The following PLK2 variants were observed in gnomAD, a reference collection of about 807,000 sequenced individuals.
PLK2 encodes the protein polo like kinase 2.
In PLK2, 25 loss-of-function variants were observed where a neutral mutation model predicts 78.1. The observed-to-expected ratio is 0.32, with a 90% confidence interval of 0.23 to 0.45. PLK2 has a LOEUF of 0.45. PLK2 is among the 20% of genes least tolerant of loss of function. PLK2 has a pLI of 1.00. For missense variants in PLK2, 566 were observed against 840.2 expected (o/e 0.67, Z 4.04); for synonymous variants, 332 against 298.2 (o/e 1.11, Z -1.17).
rs557109067 is a variant in PLK2, at chr5:58,457,150, G to T, written c.1008+31C>A. On this transcript the variant is annotated intron_variant, in intron 7 of 13. Coordinates refer to ENST00000274289, the MANE Select transcript of PLK2 (RefSeq NM_006622.4). ...TGTCAGGTAACTGGGATCAATACCA[G>T]GTAATTAAAAAAAAAAGATAGTGCA... The T allele has an allele frequency of 9.3e-6, 15 of 1,610,588 alleles. No individual in the cohort carries two copies. The East Asian group carries it at 3.3e-4, about 36-fold the overall frequency.
chr5:58,457,815 GTGT>G lies in PLK2; in HGVS notation c.714-235_714-233del, dbSNP rs1743649192. 4 of 590,650 alleles carry G rather than the reference GTGT, an allele frequency of 6.8e-6. No individual in the cohort carries two copies. In the East Asian group the frequency reaches 1.1e-4, roughly 16 times the overall value. 36.6% of individuals were successfully genotyped at this position (590,650 alleles called of 1,614,324 possible). The stretch of plus-strand genomic sequence containing the variant: ...CACGTTGTTTTAGCCCACATGCAAA[GTGT>G]TGTTAACCAACTAAAGCCAGGGACG... On this transcript the variant is annotated intron_variant, in intron 5 of 13. Coordinates refer to ENST00000274289, the MANE Select transcript of PLK2 (RefSeq NM_006622.4).
In PLK2 at chr5:58,456,107, C is replaced by T. The variant is rs200318957; in HGVS notation, c.1303G>A (p.Val435Ile). 5.0e-5 allele frequency: 80 copies of T among 1,614,018 alleles called. No individual in the cohort carries two copies. In the East Asian group the frequency reaches 1.7e-3, roughly 35 times the overall value. Residue 435 changes from valine to isoleucine, a missense_variant, in exon 10 of 14, where the codon GTA (valine) becomes ATA (isoleucine). Coordinates refer to ENST00000274289, the MANE Select transcript of PLK2 (RefSeq NM_006622.4). ...TCCCCAATCTGCTGCTTGTTTTCTA[C>T]TGCGGGTGTTCCAGACCTGGCAACT... is the stretch of plus-strand genomic sequence containing the variant. ...TTVARSGTPAVENKQQIGDAI... is the reference protein window; with the variant it reads ...TTVARSGTPAIENKQQIGDAI...
At chr5:58,456,708 T>G in intron 8 of PLK2, 119 bp from the exon 9 acceptor site, 1 of 723,684 alleles carries the variant, frequency 1.4e-6, no homozygotes, top group African/African-American at 1.8e-5. Flanking sequence ...TGGGCAAAAA[T>G]AGCATTTTAC....
intron 9 of PLK2, 122 bp downstream of exon 9, chr5:58,456,370 G>A: frequency 1.2e-6 from 1 of 825,918 alleles, no homozygotes; most frequent in South Asian, 1.7e-5. Context: ...CAAAGGGTTT[G>A]AAGAAAAACT....
At position 58,454,357 on chromosome 5, in the gene PLK2, G is replaced by A. The variant is rs1561215005; in HGVS notation, c.*226C>T. ...TTGTCTGAAAAACCTTTTAAAACAG[G>A]TATCTCAAGGAAAACTGCATTCTGG... is the stretch of plus-strand genomic sequence containing the variant. On this transcript the variant is annotated 3_prime_UTR_variant, in exon 14 of 14. Coordinates refer to ENST00000274289, the MANE Select transcript of PLK2 (RefSeq NM_006622.4). 4 of 410,788 alleles carry A rather than the reference G, an allele frequency of 9.7e-6. No homozygotes were observed. The highest frequency in any genetic ancestry group is 8.1e-5 in the African/African-American group (4 of 49,408). The allele number at this position is 410,788 out of a possible 1,614,324, so 25.4% of individuals were successfully genotyped here.
intron 12 of PLK2, 24 bp from the exon 13 acceptor site, chr5:58,455,045 T>A: frequency 3.7e-6 from 5 of 1,365,162 alleles, no homozygotes; most frequent in Non-Finnish European, 4.2e-6. Flanking sequence ...GGAGAGTGAG[T>A]TAGTGCCTAC....
In PLK2 at chr5:58,459,853, G is replaced by T. The variant is rs753592476; in HGVS notation, c.107C>A (p.Pro36Gln). The change falls in exon 1 of 14, where the codon CCG becomes CAG. Residue 36 changes from proline to glutamine, a missense_variant. Transcript: ENST00000274289. Reference protein sequence around the residue: ...CGADSKKKRPPQPPEESQPPQ... With the variant: ...CGADSKKKRPQQPPEESQPPQ... ...TGGCTGCGATTCCTCGGGGGGCTGC[G>T]GCGGCCGCTTCTTCTTCGAGTCCGC... 1.2e-6 allele frequency: 2 copies of T among 1,610,322 alleles called. No homozygotes were observed. The highest frequency in any genetic ancestry group is 1.7e-6 in the Non-Finnish European group (2 of 1,179,670).
intron 9 of PLK2, 30 bp downstream of exon 9, chr5:58,456,462 G>T: frequency 8.1e-7 from 1 of 1,232,128 alleles, no homozygotes; most frequent in Non-Finnish European, 1.2e-6. Flanking sequence ...CGTAAAGCGT[G>T]AGTATCTACT....
chr5:58,456,723 G>T, intron 8 of PLK2, 134 bp from the exon 9 acceptor site: 1 of 669,552 alleles, frequency 1.5e-6, no homozygotes, highest in Non-Finnish European at 2.5e-6. Context: ...TTTTACCTTT[G>T]CCTTTAGCTG....
At position 58,455,415 on chromosome 5, in the gene PLK2, C is replaced by G; in HGVS notation, c.1626-1G>C. 6.2e-7 allele frequency: 1 copy of G among 1,613,594 alleles called. No homozygotes were observed. Among genetic ancestry groups the G allele is most frequent in the Non-Finnish European group, 8.5e-7 (1 of 1,179,882 alleles). On this transcript the variant is annotated splice_acceptor_variant, in intron 11 of 13. Transcript: ENST00000274289. LOFTEE classifies it high-confidence loss of function. ...AAGCTCTGCGTAATAGTGAACTGTT[C>G]TATAAAAACAGGAACGAAAGGGAGA... is the stretch of plus-strand genomic sequence containing the variant.
intron 1 of PLK2, 76 bp from the exon 2 acceptor site, chr5:58,459,168 A>G (rs1294721222): frequency 3.7e-6 from 3 of 805,172 alleles, no homozygotes; most frequent in Admixed American, 2.1e-5. Context: ...TAAATAAATA[A>G]ATGGGAAGAA....
Position 58,456,107 on chromosome 5 carries a change from C to A in PLK2, c.1303G>T (p.Val435Leu). ...TTVARSGTPA[V>L]ENKQQIGDAI... ...TCCCCAATCTGCTGCTTGTTTTCTA[C>A]TGCGGGTGTTCCAGACCTGGCAACT... The change falls in exon 10 of 14, where the codon GTA becomes TTA. Residue 435 changes from valine to leucine, a missense_variant. This residue lies in a region of PLK2 where 129 missense variants were observed against 156.0 expected (regional missense o/e 0.83). Transcript: ENST00000274289. The A allele has an allele frequency of 1.2e-6, 2 of 1,614,018 alleles. No homozygotes were observed. The highest frequency in any genetic ancestry group is 1.7e-6 in the Non-Finnish European group (2 of 1,179,948).
Position 58,459,747 on chromosome 5 carries a change from C to A in PLK2, c.213G>T (p.Arg71=), listed in dbSNP as rs1302100216. ...TCCCAGTCGTGGGGTCGACGATAAT[C>A]CGCGAGATCTCCGGCCCCGAGTGCG... ...HHSHSGPEIS[R]IIVDPTTGKR... is the part of the protein sequence containing the mutation. The change falls in exon 1 of 14, where the codon CGG becomes CGT. Residue 71 remains arginine (R), a synonymous_variant. Transcript: ENST00000274289. 3 of 1,606,972 alleles carry A rather than the reference C, an allele frequency of 1.9e-6. No individual in the cohort carries two copies. The Admixed American group carries it at 5.0e-5, about 27-fold the overall frequency.
At position 58,459,153 on chromosome 5, in the gene PLK2, TTAAA is replaced by T. The variant is rs1232410394; in HGVS notation, c.271-65_271-62del. 30 of 843,088 alleles carry T rather than the reference TTAAA, an allele frequency of 3.6e-5. No individual in the cohort carries two copies. In the East Asian group the frequency reaches 5.6e-4, roughly 16 times the overall value. 52.2% of individuals were successfully genotyped at this position (843,088 alleles called of 1,614,324 possible). ...GGCACAAAAATGGACGGCAGATATT[TTAAA>T]TAAATAAATAAATGGGAAGAAAGAA... On this transcript the variant is annotated intron_variant, in intron 1 of 13. Coordinates refer to ENST00000274289, the MANE Select transcript of PLK2 (RefSeq NM_006622.4).
intron 3 of PLK2, 80 bp from the exon 4 acceptor site, chr5:58,458,608 TGAAA>T: frequency 7.0e-7 from 1 of 1,438,210 alleles, no homozygotes; most frequent in Non-Finnish European, 9.6e-7. Context: ...GGATGAGCAA[TGAAA>T]GTTAACTTTG....
intron 4 of PLK2, 56 bp downstream of exon 4, chr5:58,458,343 A>G (rs760011990): frequency 6.4e-7 from 1 of 1,574,504 alleles, no homozygotes; most frequent in Non-Finnish European, 8.7e-7. Context: ...AAAAAAAAAC[A>G]GAGAGAGAAA....
At chr5:58,456,410 A>G in intron 9 of PLK2, 82 bp downstream of exon 9, 1 of 909,104 alleles carries the variant, frequency 1.1e-6, no homozygotes, top group Non-Finnish European at 1.8e-6. Flanking sequence ...TTGAACCATG[A>G]TAATCATAGT....
Position 58,459,817 on chromosome 5 carries a change from T to C in PLK2, c.143A>G (p.Gln48Arg). The C allele has an allele frequency of 6.2e-7, 1 of 1,609,800 alleles. No homozygotes were observed. ...PPEESQPPQS[Q>R]AQVPPAAPHH... Reference sequence around the variant, plus strand: ...AGGGGCCGCCGGGGGCACTTGCGCCTGGGACTGAGGTGGCTGCGATTCCTC... The same window carrying C: ...AGGGGCCGCCGGGGGCACTTGCGCCCGGGACTGAGGTGGCTGCGATTCCTC... The change falls in exon 1 of 14, where the codon CAG (glutamine) becomes CGG (arginine). Residue 48 changes from glutamine to arginine, a missense_variant. This residue lies in a region of PLK2 where 127 missense variants were observed against 122.5 expected (regional missense o/e 1.04). Coordinates refer to ENST00000274289, the MANE Select transcript of PLK2 (RefSeq NM_006622.4).
chr5:58,459,982 G>A lies in PLK2; in HGVS notation c.-23C>T, dbSNP rs1386660438. 14 of 1,564,604 alleles carry A rather than the reference G, an allele frequency of 8.9e-6. No homozygotes were observed. The African/African-American group carries it at 1.2e-4, about 14-fold the overall frequency. ...CATGGTCGCCTTGCCGCCCCGCACT[G>A]CCCGCTGCCACCCCCTAGGCGCGGT... On this transcript the variant is annotated 5_prime_UTR_variant, in exon 1 of 14. Coordinates refer to ENST00000274289, the MANE Select transcript of PLK2 (RefSeq NM_006622.4).
Sources: allele counts gnomAD v4.1 joint callset, GRCh38; gene constraint gnomAD v4.1.1; regional missense constraint gnomAD v4.1.1; transcripts MANE v1.5; gene names NCBI Gene and HGNC (gene_info 2026-07-23, HGNC 2026-07-21).